Variants in MCC observed in about 807,000 individuals in gnomAD.
The protein encoded by MCC is colorectal mutant cancer protein.
A neutral mutation model predicts 116.2 loss-of-function variants in MCC; 90 were observed. That is an observed-to-expected ratio of 0.77 (90% confidence interval 0.65 to 0.92). The LOEUF (loss-of-function observed/expected upper bound fraction) is 0.92. Among genes scored for constraint, MCC ranks in the 40% least tolerant of loss-of-function variants. The pLI is 0.00. For synonymous variants in MCC, 578 were observed against 510.5 expected (o/e 1.13, Z -1.78); for missense variants, 1,516 against 1,312.2 (o/e 1.16, Z -2.40).
At chr5:113,453,876 T>C (rs6882900) in intron 1 of MCC, among the ~76,000 whole-genome samples, 30,925 of 152,030 alleles carry the variant, frequency 0.2, 3,598 homozygotes, top group Admixed American at 0.33. Context: ...TTTGGGAGGC[T>C]GAGGCGTGTG....
intron 3 of MCC, among the ~76,000 whole-genome samples, chr5:113,256,460 T>C (rs1371822881): frequency 6.6e-6 from 1 of 152,182 alleles, no homozygotes. Context: ...CAACATATTA[T>C]ACTGAGTTTT....
intron 1 of MCC, among the ~76,000 whole-genome samples, chr5:113,454,933 G>A (rs575693432): frequency 1.3e-5 from 2 of 152,274 alleles, no homozygotes; most frequent in South Asian, 2.1e-4. Context: ...AATAATTGCA[G>A]CTGAGGAGTC....
intron 2 of MCC, among the ~76,000 whole-genome samples, chr5:113,351,817 T>C (rs1768275652): frequency 6.6e-6 from 1 of 152,156 alleles, no homozygotes; most frequent in South Asian, 2.1e-4. Flanking sequence ...CATAAATATA[T>C]ATACCTAAAT....
At chr5:113,397,151 G>C (rs995091546) in intron 1 of MCC, among the ~76,000 whole-genome samples, 1 of 152,102 alleles carries the variant, frequency 6.6e-6, no homozygotes, top group Non-Finnish European at 1.5e-5. Context: ...ATGAAGGAAA[G>C]GGAAAATCAA....
At chr5:113,197,375 C>T (rs1443695) in intron 3 of MCC, among the ~76,000 whole-genome samples, 152,058 of 152,252 alleles carry the variant, frequency 1, 75,933 homozygotes, top group Middle Eastern at 1. Context: ...GAATGGCTAC[C>T]TATGGTTATG....
At position 113,044,380 on chromosome 5, in the gene MCC, C is replaced by T. The variant is rs960358169; in HGVS notation, c.2656-750G>A. ...AGTGCTCCAAATCCTATAGTTAAGACTATTCAAAGCAGTGACCATGCCTGA... is the reference window on the plus strand; with the variant it reads ...AGTGCTCCAAATCCTATAGTTAAGATTATTCAAAGCAGTGACCATGCCTGA... On this transcript the variant is annotated intron_variant, in intron 16 of 18. Coordinates refer to ENST00000408903, the MANE Select transcript of MCC (RefSeq NM_001085377.2). The T allele has an allele frequency of 1.3e-4, 65 of 515,680 alleles. No individual in the cohort carries two copies. The African/African-American group carries it at 1.3e-3, about 10-fold the overall frequency. The allele number at this position is 515,680 out of a possible 1,614,324, so 31.9% of individuals were successfully genotyped here.
intron 2 of MCC, among the ~76,000 whole-genome samples, chr5:113,356,313 T>C (rs959261211): frequency 6.6e-6 from 1 of 150,492 alleles, no homozygotes; most frequent in African/African-American, 2.4e-5. Context: ...CTAGGAGATA[T>C]ATATAGCATT....
intron 8 of MCC, among the ~76,000 whole-genome samples, chr5:113,090,101 G>C (rs999736154): frequency 6.6e-6 from 1 of 152,162 alleles, no homozygotes; most frequent in Admixed American, 6.5e-5. Flanking sequence ...CAGGAAGGAG[G>C]TGTGGCAGTG....
chr5:113,097,657 G>A (rs1756109491), intron 8 of MCC, among the ~76,000 whole-genome samples: 1 of 152,120 alleles, frequency 6.6e-6, no homozygotes, highest in Non-Finnish European at 1.5e-5. Context: ...GGCCAAATGA[G>A]GCTAAAAGAG....
rs549121175 is a variant in MCC at position 113,471,801 on chromosome 5, C to T, written c.170+16444G>A. 4.0e-5 allele frequency among the ~76,000 whole-genome samples: 6 copies of T among 148,258 alleles called. No homozygotes were observed. The South Asian group carries it at 1.3e-3, about 33-fold the overall frequency. ...AGGCCTCCTTGAGCTGTGGTGGGCT[C>T]CACCCAGTTCGAGCTTCCCAGCCGC... On this transcript the variant is annotated intron_variant, in intron 1 of 18. Transcript: ENST00000408903.
chr5:113,049,337 C>T (rs1561753539), intron 15 of MCC, 38 bp from the exon 16 acceptor site: 5 of 1,507,958 alleles, frequency 3.3e-6, no homozygotes, highest in Non-Finnish European at 4.5e-6. Context: ...GAGGCATGCC[C>T]TATCTGAGAG....
chr5:113,404,144 A>G (rs1252952029), intron 1 of MCC, among the ~76,000 whole-genome samples: 1 of 152,014 alleles, frequency 6.6e-6, no homozygotes, highest in East Asian at 1.9e-4. Flanking sequence ...TGGGATTACA[A>G]TTGTGAGCCA....
At chr5:113,479,828 A>G (rs1391706247) in intron 1 of MCC, among the ~76,000 whole-genome samples, 1 of 152,036 alleles carries the variant, frequency 6.6e-6, no homozygotes, top group Non-Finnish European at 1.5e-5. Context: ...TGAGGCTTTC[A>G]GTGCTATTCA....
Position 113,198,038 on chromosome 5 carries a change from G to A in MCC, c.628-46616C>T, listed in dbSNP as rs544634027. On this transcript the variant is annotated intron_variant, in intron 3 of 18. Transcript: ENST00000408903. ...GGGGTAAGAACTGGTGGCCAGCCAC[G>A]CTGTGAGCCTATATAATTCAGTTAA... 9.3e-4 allele frequency among the ~76,000 whole-genome samples: 141 copies of A among 152,354 alleles called. 2 individuals carry two copies. Among genetic ancestry groups the A allele is most frequent in the South Asian group, 8.1e-3 (39 of 4,818 alleles).
In MCC at chr5:113,424,132, TACACACAC is replaced by T. The variant is rs547192248; in HGVS notation, c.171-38928_171-38921del. On this transcript the variant is annotated intron_variant, in intron 1 of 18. Coordinates refer to ENST00000408903, the MANE Select transcript of MCC (RefSeq NM_001085377.2). The stretch of plus-strand genomic sequence containing the variant: ...TCCCACTGGTCAAAAAGTCATCCTC[TACACACAC>T]ACACACACACACACACACACACACA... Among the ~76,000 whole-genome samples the T allele has an allele frequency of 7.0e-3, 792 of 112,692 alleles. 11 individuals are homozygous for T. The highest frequency in any genetic ancestry group is 0.023 in the African/African-American group (684 of 29,270). 73.9% of individuals were successfully genotyped at this position (112,692 alleles called of 152,430 possible). A position where few individuals can be genotyped will look rare whatever the true frequency, so the allele number is the denominator to read the frequency against.
chr5:113,411,209 T>A (rs1315304119), intron 1 of MCC, among the ~76,000 whole-genome samples: 1 of 147,388 alleles, frequency 6.8e-6, no homozygotes, highest in East Asian at 1.9e-4. Context: ...TTGAACTATT[T>A]TACACTCCCA....
intron 3 of MCC, among the ~76,000 whole-genome samples, chr5:113,190,352 C>T (rs554995111): frequency 2.0e-5 from 3 of 152,266 alleles, no homozygotes; most frequent in South Asian, 4.1e-4. Context: ...GGCAGGCAAT[C>T]GCGCTTCCCT....
At position 113,419,077 on chromosome 5, in the gene MCC, C is replaced by T. The variant is rs547371101; in HGVS notation, c.171-33865G>A. 4.4e-4 allele frequency among the ~76,000 whole-genome samples: 67 copies of T among 152,274 alleles called. 1 individual carries two copies. Among genetic ancestry groups the T allele is most frequent in the African/African-American group, 1.5e-3 (64 of 41,542 alleles). On this transcript the variant is annotated intron_variant, in intron 1 of 18. Coordinates refer to ENST00000408903, the MANE Select transcript of MCC (RefSeq NM_001085377.2). Reference sequence around the variant, plus strand: ...GAATTACCATGTGACCCAGCAATGACACTCCTAGGTATACATATATCCAAG... The same window carrying T: ...GAATTACCATGTGACCCAGCAATGATACTCCTAGGTATACATATATCCAAG...
At chr5:113,452,141 C>T (rs1771418174) in intron 1 of MCC, among the ~76,000 whole-genome samples, 1 of 152,180 alleles carries the variant, frequency 6.6e-6, no homozygotes. Context: ...TGGAAACTGC[C>T]AGGACACTGA....
Sources: allele counts gnomAD v4.1 joint callset (sites outside exome capture counted in the v4.1 genomes callset), GRCh38; gene constraint gnomAD v4.1.1; transcripts MANE v1.5; gene names NCBI Gene and HGNC (gene_info 2026-07-23, HGNC 2026-07-21).